The following NAP1L4 variants were observed in gnomAD, a reference collection of about 807,000 sequenced individuals.
NAP1L4 encodes nucleosome assembly protein 1-like 4.
A neutral mutation model predicts 58.2 loss-of-function variants in NAP1L4; 15 were observed. The observed-to-expected ratio is 0.26, with a 90% CI of 0.17 to 0.40. The LOEUF (loss-of-function observed/expected upper bound fraction) is 0.40, where lower values mean the gene tolerates loss of function less well. NAP1L4 is among the 10% of genes least tolerant of loss of function. The pLI is 1.00. For missense variants in NAP1L4, 384 were observed against 451.1 expected (o/e 0.85, Z 1.35); for synonymous variants, 171 against 155.6 (o/e 1.10, Z -0.74).
intron 7 of NAP1L4, among the ~76,000 whole-genome samples, chr11:2,967,542 T>C (rs551501140): frequency 1.4e-5 from 2 of 143,866 alleles, no homozygotes; most frequent in South Asian, 2.2e-4. Context: ...ACCCAGGAGG[T>C]GGAGCTTACA....
intron 15 of NAP1L4, among the ~76,000 whole-genome samples, chr11:2,947,276 C>T (rs947305937): frequency 2.6e-5 from 4 of 152,202 alleles, no homozygotes; most frequent in Non-Finnish European, 5.9e-5. Flanking sequence ...GTATTTTCAA[C>T]CACGAGAATG....
At chr11:2,969,499 T>C (rs976421633) in intron 7 of NAP1L4, among the ~76,000 whole-genome samples, 1 of 152,098 alleles carries the variant, frequency 6.6e-6, no homozygotes, top group African/African-American at 2.4e-5. Flanking sequence ...ATTCATAGGC[T>C]TTCCCACAGG....
At chr11:2,965,311 C>T (rs557764632) in intron 7 of NAP1L4, among the ~76,000 whole-genome samples, 1 of 152,218 alleles carries the variant, frequency 6.6e-6, no homozygotes, top group Non-Finnish European at 1.5e-5. Context: ...ACACAAACCT[C>T]GATAGTGCAG....
intron 12 of NAP1L4, among the ~76,000 whole-genome samples, chr11:2,953,600 T>C (rs1231922814): frequency 1.3e-5 from 2 of 152,176 alleles, no homozygotes; most frequent in Non-Finnish European, 1.5e-5. Flanking sequence ...CCTCCCAACC[T>C]AGGGATGAGC....
At chr11:2,950,401 C>A (rs1275036876) in intron 14 of NAP1L4, among the ~76,000 whole-genome samples, 4 of 152,146 alleles carry the variant, frequency 2.6e-5, no homozygotes, top group Non-Finnish European at 4.4e-5. Flanking sequence ...ATGACAGAGC[C>A]AGAATATCAC....
At chr11:2,974,895 G>A (rs1847856307) in intron 4 of NAP1L4, among the ~76,000 whole-genome samples, 1 of 152,176 alleles carries the variant, frequency 6.6e-6, no homozygotes, top group African/African-American at 2.4e-5. Flanking sequence ...GGGAGTGGTG[G>A]CGTGCACCTG....
intron 8 of NAP1L4, chr11:2,960,252 G>C: frequency 3.9e-6 from 1 of 253,348 alleles, no homozygotes; most frequent in South Asian, 5.4e-5. Flanking sequence ...GGGAAAGTAA[G>C]GGGACCAGCA....
chr11:2,966,801 CCACT>C (rs1338186926), intron 7 of NAP1L4, among the ~76,000 whole-genome samples: 2 of 152,154 alleles, frequency 1.3e-5, no homozygotes, highest in Non-Finnish European at 2.9e-5. Context: ...CAAACTCATC[CCACT>C]CAAAGACGCA....
chr11:2,969,352 T>C (rs541405463), intron 7 of NAP1L4, among the ~76,000 whole-genome samples: 6 of 150,838 alleles, frequency 4.0e-5, no homozygotes, highest in Admixed American at 2.0e-4. Context: ...AAAAATTCAC[T>C]GAGATGTGTG....
chr11:2,978,487 T>C (rs1848102030), intron 2 of NAP1L4, 145 bp from the exon 3 acceptor site: 1 of 657,142 alleles, frequency 1.5e-6, no homozygotes. Context: ...CCAATGTGCA[T>C]GTTATCTCAG....
chr11:2,986,399 G>GA (rs1403631536), intron 1 of NAP1L4, among the ~76,000 whole-genome samples: 7 of 141,296 alleles, frequency 5.0e-5, no homozygotes, highest in South Asian at 2.3e-4. Flanking sequence ...AAAAAGAAAG[G>GA]AAAAAAAAAT....
At chr11:2,976,947 A>C (rs796184754) in intron 3 of NAP1L4, among the ~76,000 whole-genome samples, 13 of 152,290 alleles carry the variant, frequency 8.5e-5, no homozygotes, top group African/African-American at 2.9e-4. Flanking sequence ...GAGCCAGTAC[A>C]TACCCGAGTA....
chr11:2,968,865 T>C (rs777739962), intron 7 of NAP1L4, among the ~76,000 whole-genome samples: 4 of 152,218 alleles, frequency 2.6e-5, no homozygotes, highest in Non-Finnish European at 4.4e-5. Flanking sequence ...AAACTTCTAT[T>C]ATAACTCATT....
rs1245812337 is a variant in NAP1L4 at position 2,945,602 on chromosome 11, C to T, written c.*77G>A. 12 of 1,535,928 alleles carry T rather than the reference C, an allele frequency of 7.8e-6. No homozygotes were observed. The highest frequency in any genetic ancestry group is 1.2e-5 in the South Asian group (1 of 84,058). On this transcript the variant is annotated 3_prime_UTR_variant, in exon 16 of 16. Coordinates refer to ENST00000380542, the MANE Select transcript of NAP1L4 (RefSeq NM_005969.4). ...AGCCGGTCTGCCAGGCACCCGCCTC[C>T]GCTTCCTACTGCTGCTTGCATTCCG... is the stretch of plus-strand genomic sequence containing the variant.
Position 2,978,336 on chromosome 11 carries a change from T to C in NAP1L4, c.21A>G (p.Ser7=). The change falls in exon 3 of 16, where the codon TCA becomes TCG. Residue 7 remains serine, a synonymous_variant. Transcript: ENST00000380542. MADHSF[S]DGVPSDSVEA... is the part of the protein sequence containing the mutation. ...CCACGGAATCTGAAGGAACCCCATC[T>C]GAAAAACTAAAACAACAGTATGTTT... 2 of 1,613,816 alleles carry C rather than the reference T, an allele frequency of 1.2e-6. No individual in the cohort carries two copies. Among genetic ancestry groups the C allele is most frequent in the Non-Finnish European group, 1.7e-6 (2 of 1,179,810 alleles).
At chr11:2,956,086 G>A (rs115585384) in intron 10 of NAP1L4, among the ~76,000 whole-genome samples, 1 of 152,180 alleles carries the variant, frequency 6.6e-6, no homozygotes, top group South Asian at 2.1e-4. Context: ...CAGCCCCCAG[G>A]CTGTGGCCAT....
chr11:2,983,197 T>G (rs1848428308), intron 1 of NAP1L4, among the ~76,000 whole-genome samples: 1 of 152,122 alleles, frequency 6.6e-6, no homozygotes, highest in Non-Finnish European at 1.5e-5. Context: ...CCAGAGCCCC[T>G]AACAGTTCCT....
At chr11:2,990,993 C>G in intron 1 of NAP1L4, 1 of 406,156 alleles carries the variant, frequency 2.5e-6, no homozygotes, top group South Asian at 1.7e-5. Flanking sequence ...CCCCGTAAAC[C>G]TAATGCAGGA....
Position 2,964,768 on chromosome 11 carries a change from A to T in NAP1L4, c.535-17T>A. 1 of 1,591,618 alleles carries T rather than the reference A, an allele frequency of 6.3e-7. No homozygotes were observed. The highest frequency in any genetic ancestry group is 8.6e-7 in the Non-Finnish European group (1 of 1,160,742). On this transcript the variant is annotated splice_polypyrimidine_tract_variant and intron_variant, in intron 7 of 15. Transcript: ENST00000380542. ...ATCATATTCCTAATCAAAAAGAGAA[A>T]AAAAATTCCAACAGGCTTTTAAAAA...
Sources: gnomAD v4.1 joint callset for allele counts (sites outside exome capture counted in the v4.1 genomes callset) on GRCh38, gnomAD v4.1.1 for gene constraint, MANE v1.5 for transcripts, NCBI Gene and HGNC (gene_info 2026-07-23, HGNC 2026-07-21) for gene names.